The following ENOX1 variants were observed in gnomAD, a reference collection of about 807,000 sequenced individuals.
ENOX1 encodes the protein candidate growth-related and time keeping constitutive hydroquinone (NADH) oxidase.
Under a neutral mutation model 82.5 loss-of-function variants are expected in ENOX1, and 42 were observed. That is an observed-to-expected ratio of 0.51 (90% CI 0.40 to 0.66). The LOEUF (loss-of-function observed/expected upper bound fraction) is 0.66, where lower values mean the gene tolerates loss of function less well. Among genes scored for constraint, ENOX1 ranks in the 30% least tolerant of loss-of-function variants. ENOX1 has a pLI of 0.00. For synonymous variants in ENOX1, 271 were observed against 282.2 expected, an observed-to-expected ratio of 0.96 and a Z score of 0.40; for missense variants, 608 against 811.6, an observed-to-expected ratio of 0.75 and a Z score of 3.05.
chr13:43,396,385 T>C (rs1450272288), intron 5 of ENOX1, among the ~76,000 whole-genome samples: 1 of 152,150 alleles, frequency 6.6e-6, no homozygotes, highest in African/African-American at 2.4e-5. Flanking sequence ...ATTACCTTAA[T>C]TTTTTTCTTT....
chr13:43,361,270 G>T lies in ENOX1; in HGVS notation c.382+9C>A. The T allele has an allele frequency of 6.2e-7, 1 of 1,609,960 alleles. No individual in the cohort carries two copies. The highest frequency in any genetic ancestry group is 8.5e-7 in the Non-Finnish European group (1 of 1,178,602). ...AAATGAGCAAATATTTCTCATAGGC[G>T]TTACTTACTTGGATTTTGAGGAAAA... On this transcript the variant is annotated intron_variant, in intron 6 of 16. Transcript: ENST00000690772.
At chr13:43,424,367 A>C (rs2055161433) in intron 3 of ENOX1, among the ~76,000 whole-genome samples, 1 of 152,214 alleles carries the variant, frequency 6.6e-6, no homozygotes, top group Non-Finnish European at 1.5e-5. Flanking sequence ...GTGGATAAAT[A>C]ACTGACCCTT....
intron 2 of ENOX1, among the ~76,000 whole-genome samples, chr13:43,603,349 G>C (rs1047223122): frequency 4.1e-5 from 6 of 147,536 alleles, no homozygotes; most frequent in Non-Finnish European, 8.9e-5. Flanking sequence ...AATGGTTCCA[G>C]CTGCTTTTTT....
At chr13:43,511,556 C>T (rs773903417) in intron 2 of ENOX1, among the ~76,000 whole-genome samples, 3 of 152,112 alleles carry the variant, frequency 2.0e-5, no homozygotes, top group Non-Finnish European at 4.4e-5. Context: ...ACCTCTCAAG[C>T]ATGTATTCTG....
intron 9 of ENOX1, among the ~76,000 whole-genome samples, chr13:43,335,768 CAAAA>C (rs386378967): frequency 4.3e-5 from 5 of 116,924 alleles, no homozygotes; most frequent in African/African-American, 1.6e-4. Context: ...GGAAGGATAC[CAAAA>C]AAAAAAAAAA....
At chr13:43,342,920 G>A (rs909604127) in intron 9 of ENOX1, among the ~76,000 whole-genome samples, 5 of 152,124 alleles carry the variant, frequency 3.3e-5, no homozygotes, top group Admixed American at 6.5e-5. Context: ...ATTTTAATAG[G>A]TGCCTCTTTC....
intron 2 of ENOX1, among the ~76,000 whole-genome samples, chr13:43,592,728 A>G (rs1422468026): frequency 6.6e-6 from 1 of 152,192 alleles, no homozygotes; most frequent in Non-Finnish European, 1.5e-5. Context: ...AACTAAGCCA[A>G]TTTAACTTAA....
intron 2 of ENOX1, among the ~76,000 whole-genome samples, chr13:43,598,001 C>T (rs768015083): frequency 2.3e-4 from 35 of 152,154 alleles, no homozygotes; most frequent in Admixed American, 1.0e-3. Flanking sequence ...CCTATTCTCC[C>T]TTCCCTGCCT....
rs183532173 is a variant in ENOX1 at position 43,378,664 on chromosome 13, C to T, written c.209-17212G>A. ...TCTCATAACAAAACTTAAAAGCAAG[C>T]CTCAAAAGGTTCAACTGCTTCCCAG... On this transcript the variant is annotated intron_variant, in intron 5 of 16. Coordinates refer to ENST00000690772, the MANE Select transcript of ENOX1 (RefSeq NM_001347969.2). Among the ~76,000 whole-genome samples the T allele has an allele frequency of 1.4e-3, 207 of 152,182 alleles. 1 individual carries two copies. Among genetic ancestry groups the T allele is most frequent in the African/African-American group, 4.8e-3 (200 of 41,524 alleles).
At chr13:43,734,114 C>A (rs1345850944) in intron 1 of ENOX1, among the ~76,000 whole-genome samples, 1 of 152,208 alleles carries the variant, frequency 6.6e-6, no homozygotes, top group African/African-American at 2.4e-5. Context: ...AAGATTCTCC[C>A]CTACAGATGT....
intron 2 of ENOX1, among the ~76,000 whole-genome samples, chr13:43,543,016 C>T (rs2078811064): frequency 1.3e-5 from 2 of 152,154 alleles, no homozygotes; most frequent in South Asian, 2.1e-4. Context: ...CCACCTAATA[C>T]CATCATCTTA....
At chr13:43,705,128 G>A (rs559257670) in intron 1 of ENOX1, among the ~76,000 whole-genome samples, 94 of 151,788 alleles carry the variant, frequency 6.2e-4, no homozygotes, top group Middle Eastern at 3.4e-3. Flanking sequence ...AGGAGGAACA[G>A]AGAAACAAAA....
At chr13:43,732,167 A>G (rs182652798) in intron 1 of ENOX1, among the ~76,000 whole-genome samples, 2 of 152,302 alleles carry the variant, frequency 1.3e-5, no homozygotes, top group East Asian at 3.9e-4. Flanking sequence ...CAGCATATTT[A>G]TGGGGTTGAT....
chr13:43,675,265 G>A (rs942556775), intron 1 of ENOX1, among the ~76,000 whole-genome samples: 4 of 152,148 alleles, frequency 2.6e-5, no homozygotes, highest in Admixed American at 6.5e-5. Context: ...GACTGGTGAT[G>A]GACAGATTGG....
chr13:43,743,694 G>A (rs1003024376), intron 1 of ENOX1, among the ~76,000 whole-genome samples: 1 of 152,186 alleles, frequency 6.6e-6, no homozygotes, highest in Admixed American at 6.5e-5. Flanking sequence ...ATGAAATCAC[G>A]AAGATCTCTC....
chr13:43,378,261 C>T lies in ENOX1; in HGVS notation c.209-16809G>A, dbSNP rs564336636. On this transcript the variant is annotated intron_variant, in intron 5 of 16. Transcript: ENST00000690772. ...GGCTACAGCACAGGGAAGAGGAACTCTGGAAAAGTCTGACAGTCTCTCTGA... is the reference window on the plus strand; with the variant it reads ...GGCTACAGCACAGGGAAGAGGAACTTTGGAAAAGTCTGACAGTCTCTCTGA... Among the ~76,000 whole-genome samples, 18 of 152,302 alleles carry T rather than the reference C, an allele frequency of 1.2e-4. 1 individual carries two copies. Among genetic ancestry groups the T allele is most frequent in the African/African-American group, 3.8e-4 (16 of 41,574 alleles).
intron 8 of ENOX1, among the ~76,000 whole-genome samples, chr13:43,346,689 A>G (rs1445617575): frequency 6.6e-6 from 1 of 152,182 alleles, no homozygotes; most frequent in Non-Finnish European, 1.5e-5. Flanking sequence ...ACTTAACATT[A>G]CGTTCAGCCC....
intron 1 of ENOX1, among the ~76,000 whole-genome samples, chr13:43,753,146 C>A (rs1950411810): frequency 6.6e-6 from 1 of 152,216 alleles, no homozygotes; most frequent in South Asian, 2.1e-4. Context: ...AGGCATGAGC[C>A]ACCACGCCCG....
intron 14 of ENOX1, among the ~76,000 whole-genome samples, chr13:43,263,067 G>A (rs2044170955): frequency 6.6e-6 from 1 of 152,162 alleles, no homozygotes; most frequent in African/African-American, 2.4e-5. Flanking sequence ...TATTGCCAGT[G>A]CTCCTAATGT....
Sources: gnomAD v4.1 joint callset for allele counts (sites outside exome capture counted in the v4.1 genomes callset) on GRCh38, gnomAD v4.1.1 for gene constraint, MANE v1.5 for transcripts, NCBI Gene and HGNC (gene_info 2026-07-23, HGNC 2026-07-21) for gene names.